TRPM3: variants seen among roughly 807,000 people sequenced by gnomAD.
TRPM3 encodes long transient receptor potential channel 3.
Under a neutral mutation model 181.2 loss-of-function variants are expected in TRPM3, and 77 were observed. That is an observed-to-expected ratio of 0.42 (90% CI 0.35 to 0.51). The LOEUF (loss-of-function observed/expected upper bound fraction) is 0.51, where lower values mean the gene tolerates loss of function less well. Among genes scored for constraint, TRPM3 ranks in the 20% least tolerant of loss-of-function variants. TRPM3 has a pLI of 0.01. For missense variants in TRPM3, 1,759 were observed against 2,196.7 expected, an observed-to-expected ratio of 0.80 and a Z score of 3.98; for synonymous variants, 745 against 796.4, an observed-to-expected ratio of 0.94 and a Z score of 1.09.
chr9:71,439,423 T>G (rs932044549), intron 1 of TRPM3, among the ~76,000 whole-genome samples: 48 of 152,220 alleles, frequency 3.2e-4, no homozygotes, highest in African/African-American at 1.1e-3. Flanking sequence ...CACTTAATGT[T>G]CATAAGTCAT....
chr9:70,807,344 G>C (rs1403809526), intron 6 of TRPM3, among the ~76,000 whole-genome samples: 3 of 152,114 alleles, frequency 2.0e-5, no homozygotes, highest in Non-Finnish European at 4.4e-5. Flanking sequence ...AATTCAACAG[G>C]AACACAGTCA....
chr9:71,349,369 C>T (rs2091470825), intron 1 of TRPM3, among the ~76,000 whole-genome samples: 1 of 152,148 alleles, frequency 6.6e-6, no homozygotes, highest in Admixed American at 6.5e-5. Context: ...GAACTCCCAC[C>T]TTAAATCACA....
intron 1 of TRPM3, among the ~76,000 whole-genome samples, chr9:70,908,753 C>T (rs2096500905): frequency 6.6e-6 from 1 of 152,186 alleles, no homozygotes; most frequent in Admixed American, 6.5e-5. Flanking sequence ...GTAATTAAGA[C>T]AGTGTGGCAG....
chr9:71,394,853 T>C (rs1482154766), intron 1 of TRPM3, among the ~76,000 whole-genome samples: 2 of 152,224 alleles, frequency 1.3e-5, no homozygotes, highest in South Asian at 2.1e-4. Flanking sequence ...TCCTGTTACT[T>C]GGCATCATAA....
At chr9:71,329,722 T>C (rs1313604695) in intron 1 of TRPM3, among the ~76,000 whole-genome samples, 2 of 152,216 alleles carry the variant, frequency 1.3e-5, no homozygotes, top group Non-Finnish European at 2.9e-5. Flanking sequence ...CTCTATATTC[T>C]TCCTGCATCC....
At chr9:70,645,005 T>C (rs2058617134) in intron 9 of TRPM3, among the ~76,000 whole-genome samples, 2 of 152,132 alleles carry the variant, frequency 1.3e-5, no homozygotes, top group South Asian at 4.1e-4. Flanking sequence ...TTACAAGGGA[T>C]GTGAAGGACC....
intron 1 of TRPM3, among the ~76,000 whole-genome samples, chr9:71,057,305 A>G (rs1180543910): frequency 6.6e-6 from 1 of 152,000 alleles, no homozygotes; most frequent in Non-Finnish European, 1.5e-5. Context: ...TTGTAGCCCT[A>G]GCTTGGGCTT....
At chr9:71,343,826 T>C (rs1204500914) in intron 1 of TRPM3, among the ~76,000 whole-genome samples, 5 of 152,052 alleles carry the variant, frequency 3.3e-5, no homozygotes, top group Non-Finnish European at 4.4e-5. Flanking sequence ...AAATATAAGA[T>C]GAGCCTGGGT....
intron 5 of TRPM3, among the ~76,000 whole-genome samples, chr9:70,840,477 C>G (rs1241383066): frequency 2.0e-5 from 3 of 152,130 alleles, no homozygotes; most frequent in Admixed American, 2.0e-4. Context: ...TGGATGCACA[C>G]ATTTACTGAA....
chr9:70,966,340 C>T (rs1037791078), intron 1 of TRPM3, among the ~76,000 whole-genome samples: 1 of 152,038 alleles, frequency 6.6e-6, no homozygotes, highest in South Asian at 2.1e-4. Flanking sequence ...TGTGGCAATT[C>T]CTCAAAGACT....
At chr9:70,602,791 C>A (rs532846878) in intron 20 of TRPM3, among the ~76,000 whole-genome samples, 2 of 152,260 alleles carry the variant, frequency 1.3e-5, no homozygotes, top group South Asian at 4.1e-4. Flanking sequence ...AAAAGAGGGA[C>A]CCTGCACTCA....
chr9:71,153,746 G>A (rs995963543), intron 1 of TRPM3, among the ~76,000 whole-genome samples: 1 of 152,086 alleles, frequency 6.6e-6, no homozygotes, highest in Non-Finnish European at 1.5e-5. Context: ...ATAGCAGAGT[G>A]ATTTGCACCC....
intron 1 of TRPM3, among the ~76,000 whole-genome samples, chr9:71,106,218 A>G (rs1184929034): frequency 6.6e-6 from 1 of 152,162 alleles, no homozygotes; most frequent in Admixed American, 6.6e-5. Flanking sequence ...GTGATACGCC[A>G]CTATTGACAA....
At chr9:70,988,528 G>A (rs1007303915) in intron 1 of TRPM3, among the ~76,000 whole-genome samples, 2 of 152,154 alleles carry the variant, frequency 1.3e-5, no homozygotes, top group African/African-American at 4.8e-5. Flanking sequence ...ACTTTCATAT[G>A]TGTATTTTGG....
chr9:70,739,829 G>A (rs2073631395), intron 8 of TRPM3, among the ~76,000 whole-genome samples: 1 of 152,046 alleles, frequency 6.6e-6, no homozygotes, highest in African/African-American at 2.4e-5. Flanking sequence ...TGTTGGCTAG[G>A]CTGGTCTCGA....
chr9:71,412,545 G>A (rs1272261850), intron 1 of TRPM3, among the ~76,000 whole-genome samples: 2 of 152,150 alleles, frequency 1.3e-5, no homozygotes, highest in African/African-American at 4.8e-5. Flanking sequence ...AAACCACAAT[G>A]AGATACCATC....
intron 1 of TRPM3, among the ~76,000 whole-genome samples, chr9:71,434,287 C>T (rs1422969989): frequency 6.6e-6 from 1 of 152,134 alleles, no homozygotes; most frequent in African/African-American, 2.4e-5. Flanking sequence ...TGGGAGATGA[C>T]AAGGTCATGA....
At chr9:71,079,777 G>C (rs1382202707) in intron 1 of TRPM3, among the ~76,000 whole-genome samples, 2 of 151,908 alleles carry the variant, frequency 1.3e-5, no homozygotes, top group African/African-American at 4.8e-5. Context: ...TCTGGGGTTG[G>C]ATTAGAAAGG....
chr9:71,381,467 T>A (rs2092798612), intron 1 of TRPM3, among the ~76,000 whole-genome samples: 1 of 152,130 alleles, frequency 6.6e-6, no homozygotes, highest in South Asian at 2.1e-4. Context: ...TTTCATACTT[T>A]CAAATAGTGA....
Sources: allele counts gnomAD v4.1 joint callset (sites outside exome capture counted in the v4.1 genomes callset), GRCh38; gene constraint gnomAD v4.1.1; transcripts MANE v1.5; gene names NCBI Gene and HGNC (gene_info 2026-07-23, HGNC 2026-07-21).